MPZL1: variants seen among roughly 807,000 people sequenced by gnomAD.
MPZL1 encodes myelin protein zero-like protein 1.
MPZL1 carries 16 observed loss-of-function variants against 29.3 expected under a neutral mutation model. The ratio of observed to expected loss-of-function variants is 0.55; its 90% CI spans 0.37 to 0.83. The LOEUF is 0.83. Ranked by LOEUF, MPZL1 falls within the 40% of genes least tolerant of loss-of-function variation. The probability of loss-of-function intolerance (pLI) is 0.00; values close to 1 mark genes in which losing one functional copy is unlikely to be tolerated. For missense variants in MPZL1, 279 were observed against 332.9 expected (o/e 0.84, Z 1.26); for synonymous variants, 143 against 132.0 (o/e 1.08, Z -0.57).
At chr1:167,728,501 C>G (rs1235297268) in intron 1 of MPZL1, among the ~76,000 whole-genome samples, 1 of 151,972 alleles carries the variant, frequency 6.6e-6, no homozygotes, top group Non-Finnish European at 1.5e-5. Context: ...AGCCACCGTG[C>G]CCAACCTATT....
At chr1:167,734,695 G>A (rs1267546595) in intron 1 of MPZL1, among the ~76,000 whole-genome samples, 1 of 152,162 alleles carries the variant, frequency 6.6e-6, no homozygotes, top group Non-Finnish European at 1.5e-5. Flanking sequence ...AGCAAAGAGA[G>A]GCGTTGGGGG....
At chr1:167,754,082 C>T (rs755373387) in intron 1 of MPZL1, among the ~76,000 whole-genome samples, 33 of 152,150 alleles carry the variant, frequency 2.2e-4, no homozygotes, top group Admixed American at 3.9e-4. Flanking sequence ...GCTGCAACCT[C>T]TGCCTCCTGG....
chr1:167,787,715 G>C, intron 5 of MPZL1, 105 bp from the exon 6 acceptor site: 1 of 777,764 alleles, frequency 1.3e-6, no homozygotes, highest in South Asian at 1.8e-5. Context: ...GGAAGTCTTT[G>C]CTTTGGAACC....
At chr1:167,753,393 A>G (rs1660796266) in intron 1 of MPZL1, among the ~76,000 whole-genome samples, 1 of 152,254 alleles carries the variant, frequency 6.6e-6, no homozygotes, top group Admixed American at 6.5e-5. Flanking sequence ...GAGCTTTTAA[A>G]TGTGTTTTCA....
chr1:167,782,541 C>T (rs1374400321), intron 5 of MPZL1, among the ~76,000 whole-genome samples: 1 of 152,076 alleles, frequency 6.6e-6, no homozygotes, highest in Non-Finnish European at 1.5e-5. Flanking sequence ...TACTACCAAC[C>T]CAGTGAGAAG....
At chr1:167,763,628 A>G (rs1661045329) in intron 1 of MPZL1, among the ~76,000 whole-genome samples, 1 of 152,210 alleles carries the variant, frequency 6.6e-6, no homozygotes, top group Non-Finnish European at 1.5e-5. Flanking sequence ...AGAGTGAATA[A>G]GGGTTGCAAG....
At chr1:167,760,023 A>C (rs1301333105) in intron 1 of MPZL1, among the ~76,000 whole-genome samples, 3 of 152,040 alleles carry the variant, frequency 2.0e-5, no homozygotes, top group Non-Finnish European at 4.4e-5. Flanking sequence ...AATTTTAATG[A>C]GATCTCTTTG....
intron 1 of MPZL1, among the ~76,000 whole-genome samples, chr1:167,758,543 TC>T (rs1174588108): frequency 6.6e-6 from 1 of 152,162 alleles, no homozygotes; most frequent in African/African-American, 2.4e-5. Context: ...CTTTTTTTTT[TC>T]TTTCTGAAAT....
At chr1:167,763,544 C>G (rs1403023085) in intron 1 of MPZL1, among the ~76,000 whole-genome samples, 1 of 151,204 alleles carries the variant, frequency 6.6e-6, no homozygotes, top group East Asian at 1.9e-4. Context: ...CCTTGAGAAA[C>G]TTTATTTATA....
chr1:167,735,007 A>G (rs987355217), intron 1 of MPZL1, among the ~76,000 whole-genome samples: 3 of 152,258 alleles, frequency 2.0e-5, no homozygotes, highest in African/African-American at 7.2e-5. Context: ...CATTTGCAGA[A>G]TAAGATTCTG....
chr1:167,724,531 C>T (rs926780499), intron 1 of MPZL1, among the ~76,000 whole-genome samples: 3 of 152,126 alleles, frequency 2.0e-5, no homozygotes, highest in African/African-American at 4.8e-5. Flanking sequence ...TTAGAAAGTA[C>T]GTTTGATAGA....
At chr1:167,746,720 C>T (rs554338070) in intron 1 of MPZL1, among the ~76,000 whole-genome samples, 1 of 152,098 alleles carries the variant, frequency 6.6e-6, no homozygotes, top group Non-Finnish European at 1.5e-5. Context: ...AGTATTAATC[C>T]ATTTGGATGG....
chr1:167,791,890 G>A lies in MPZL1; in HGVS notation c.*3969G>A, dbSNP rs535960751. ...TGTTGAGAACTATGTTACAAATAAT[G>A]TGTTACTAATAAAACATTGAGGCTT... On this transcript the variant is annotated 3_prime_UTR_variant, in exon 6 of 6. Coordinates refer to ENST00000359523, the MANE Select transcript of MPZL1 (RefSeq NM_003953.6). 3.3e-5 allele frequency: 5 copies of A among 152,306 alleles called. No homozygotes were observed. In the South Asian group the frequency reaches 1.0e-3, roughly 32 times the overall value. 9.4% of individuals were successfully genotyped at this position (152,306 alleles called of 1,614,324 possible). A position where few individuals can be genotyped will look rare whatever the true frequency, so the allele number is the denominator to read the frequency against.
intron 1 of MPZL1, among the ~76,000 whole-genome samples, chr1:167,751,541 C>T (rs1028049146): frequency 9.9e-5 from 15 of 151,714 alleles, no homozygotes; most frequent in African/African-American, 1.7e-4. Context: ...CGTGGTGGCT[C>T]GCGCCTGTAA....
In MPZL1 at chr1:167,788,442, C is replaced by G. The variant is rs1313058482; in HGVS notation, c.*521C>G. 1 of 152,678 alleles carries G rather than the reference C, an allele frequency of 6.5e-6. No homozygotes were observed. Among genetic ancestry groups the G allele is most frequent in the African/African-American group, 2.4e-5 (1 of 41,440 alleles). The allele number at this position is 152,678 out of a possible 1,614,324, so 9.5% of individuals were successfully genotyped here. A position where few individuals can be genotyped will look rare whatever the true frequency, so the allele number is the denominator to read the frequency against. On this transcript the variant is annotated 3_prime_UTR_variant, in exon 6 of 6. Coordinates refer to ENST00000359523, the MANE Select transcript of MPZL1 (RefSeq NM_003953.6). ...ATTTGTCTGCCGCTTTTAAAAAATA[C>G]CCATTGGCTATGCCACTTGAAAACA...
At chr1:167,765,511 T>G (rs566886951) in intron 1 of MPZL1, 72 bp from the exon 2 acceptor site, 157 of 1,350,818 alleles carry the variant, frequency 1.2e-4, no homozygotes, top group Non-Finnish European at 1.5e-4. Context: ...TATCTTTTCT[T>G]GTCTGGCAAA....
At chr1:167,761,228 G>A (rs1660980189) in intron 1 of MPZL1, among the ~76,000 whole-genome samples, 4 of 152,216 alleles carry the variant, frequency 2.6e-5, no homozygotes, top group Admixed American at 1.3e-4. Flanking sequence ...CAGAGCTGCA[G>A]GGAGATGCAG....
chr1:167,756,819 A>G (rs1025054078), intron 1 of MPZL1, among the ~76,000 whole-genome samples: 6 of 152,150 alleles, frequency 3.9e-5, no homozygotes, highest in Non-Finnish European at 7.4e-5. Flanking sequence ...TAAACAAGGT[A>G]GACACAGCCC....
At chr1:167,782,577 TGA>T (rs1661518780) in intron 5 of MPZL1, among the ~76,000 whole-genome samples, 1 of 152,236 alleles carries the variant, frequency 6.6e-6, no homozygotes, top group Non-Finnish European at 1.5e-5. Flanking sequence ...AAAAAAATTT[TGA>T]GAACTTGAAT....
Sources: allele counts gnomAD v4.1 joint callset (sites outside exome capture counted in the v4.1 genomes callset), GRCh38; gene constraint gnomAD v4.1.1; transcripts MANE v1.5; gene names NCBI Gene and HGNC (gene_info 2026-07-23, HGNC 2026-07-21).